ROR2: variants seen among roughly 807,000 people sequenced by gnomAD.
ROR2 encodes the protein ROR family WNT receptor 2.
ROR2 carries 33 observed loss-of-function variants against 74.9 expected under a neutral mutation model. The observed-to-expected ratio is 0.44, with a 90% CI of 0.33 to 0.59. The LOEUF (loss-of-function observed/expected upper bound fraction) is 0.59, where lower values mean the gene tolerates loss of function less well. Ranked by LOEUF, ROR2 falls within the 20% of genes least tolerant of loss-of-function variation. The probability of loss-of-function intolerance (pLI) is 0.02; values close to 1 mark genes in which losing one functional copy is unlikely to be tolerated. For synonymous variants in ROR2, 586 were observed against 558.7 expected, an observed-to-expected ratio of 1.05 and a Z score of -0.69; for missense variants, 1,216 against 1,313.8, an observed-to-expected ratio of 0.93 and a Z score of 1.15.
chr9:91,770,999 G>A (rs145189457), intron 2 of ROR2, among the ~76,000 whole-genome samples: 63 of 152,300 alleles, frequency 4.1e-4, no homozygotes, highest in African/African-American at 1.3e-3. Context: ...TGACTGCTTT[G>A]TTTTCTCTTT....
intron 1 of ROR2, among the ~76,000 whole-genome samples, chr9:91,940,392 G>A (rs1587862956): frequency 6.6e-6 from 1 of 152,130 alleles, no homozygotes; most frequent in Non-Finnish European, 1.5e-5. Context: ...CACTGCAGTC[G>A]TCTAATTTTA....
intron 1 of ROR2, among the ~76,000 whole-genome samples, chr9:91,912,853 G>C (rs1331875255): frequency 6.6e-6 from 1 of 152,212 alleles, no homozygotes; most frequent in African/African-American, 2.4e-5. Flanking sequence ...AGCAGGCCAG[G>C]CGTGTTGGCT....
At chr9:91,861,727 C>T (rs970390370) in intron 1 of ROR2, among the ~76,000 whole-genome samples, 4 of 152,106 alleles carry the variant, frequency 2.6e-5, no homozygotes, top group African/African-American at 9.7e-5. Flanking sequence ...GACAAAGCAA[C>T]AACAAAATAC....
intron 1 of ROR2, among the ~76,000 whole-genome samples, chr9:91,924,878 T>C (rs1009717780): frequency 3.3e-5 from 5 of 152,156 alleles, no homozygotes; most frequent in Non-Finnish European, 5.9e-5. Flanking sequence ...AGGGTCTAGC[T>C]CTGTCATACA....
intron 1 of ROR2, among the ~76,000 whole-genome samples, chr9:91,909,185 G>A (rs1000311428): frequency 1.3e-5 from 2 of 152,192 alleles, no homozygotes; most frequent in Non-Finnish European, 2.9e-5. Flanking sequence ...CATAGCATGG[G>A]TGCATTTCCT....
chr9:91,774,145 A>G (rs1020686903), intron 2 of ROR2, among the ~76,000 whole-genome samples: 1 of 152,224 alleles, frequency 6.6e-6, no homozygotes, highest in Non-Finnish European at 1.5e-5. Context: ...TCCTAAGGAA[A>G]TGTGGTCCCC....
intron 1 of ROR2, among the ~76,000 whole-genome samples, chr9:91,816,515 A>G (rs752472821): frequency 3.9e-5 from 6 of 151,984 alleles, no homozygotes; most frequent in Non-Finnish European, 8.8e-5. Flanking sequence ...CTTGCCCCGA[A>G]TGCCAGCTCT....
At chr9:91,822,444 T>C (rs539071446) in intron 1 of ROR2, among the ~76,000 whole-genome samples, 1 of 152,184 alleles carries the variant, frequency 6.6e-6, no homozygotes, top group Admixed American at 6.5e-5. Context: ...AGGGCTCCCA[T>C]AGACTGAATT....
chr9:91,949,755 G>A (rs2118124591), intron 1 of ROR2, 112 bp downstream of exon 1: 2 of 740,658 alleles, frequency 2.7e-6, no homozygotes, highest in East Asian at 2.8e-5. Context: ...GGCGCCCCTC[G>A]TTCAGGAGCA....
At chr9:91,815,645 G>A (rs762879369) in intron 1 of ROR2, among the ~76,000 whole-genome samples, 4 of 152,148 alleles carry the variant, frequency 2.6e-5, no homozygotes, top group African/African-American at 7.2e-5. Context: ...TATTCTTGAC[G>A]AACAGTGTGA....
At chr9:91,866,537 C>A in intron 1 of ROR2, among the ~76,000 whole-genome samples, 1 of 151,390 alleles carries the variant, frequency 6.6e-6, no homozygotes, top group Non-Finnish European at 1.5e-5. Flanking sequence ...CCTGCCTCAG[C>A]CTCCTGTGTA....
intron 1 of ROR2, among the ~76,000 whole-genome samples, chr9:91,935,557 C>G (rs189012525): frequency 3.2e-4 from 48 of 152,350 alleles, no homozygotes; most frequent in African/African-American, 9.4e-4. Context: ...TTCCAGCCGC[C>G]ATGAGGATGT....
At chr9:91,792,464 A>G (rs558377621) in intron 1 of ROR2, among the ~76,000 whole-genome samples, 50 of 152,192 alleles carry the variant, frequency 3.3e-4, no homozygotes, top group African/African-American at 1.1e-3. Context: ...GCCCGCCACC[A>G]CGCCCAGCTA....
chr9:91,773,506 C>A (rs1324187529), intron 2 of ROR2, among the ~76,000 whole-genome samples: 2 of 152,222 alleles, frequency 1.3e-5, no homozygotes, highest in African/African-American at 4.8e-5. Flanking sequence ...CATGAACTTT[C>A]CGTGATACTG....
At chr9:91,798,789 C>CT (rs1233879930) in intron 1 of ROR2, among the ~76,000 whole-genome samples, 2 of 152,090 alleles carry the variant, frequency 1.3e-5, no homozygotes, top group African/African-American at 4.8e-5. Flanking sequence ...CTTTTGTCTA[C>CT]TTTCGTTTTG....
intron 1 of ROR2, among the ~76,000 whole-genome samples, chr9:91,940,316 G>A (rs557043522): frequency 6.6e-6 from 1 of 152,232 alleles, no homozygotes; most frequent in Non-Finnish European, 1.5e-5. Context: ...TGTTAAGTAG[G>A]CCGGGGGAAA....
intron 1 of ROR2, among the ~76,000 whole-genome samples, chr9:91,807,076 C>A (rs1180858247): frequency 2.0e-5 from 3 of 152,216 alleles, no homozygotes; most frequent in Non-Finnish European, 4.4e-5. Flanking sequence ...AGGGGTCCTG[C>A]CCCCTACCCT....
At position 91,852,281 on chromosome 9, in the gene ROR2, A is replaced by C. The variant is rs531806785; in HGVS notation, c.98-76463T>G. On this transcript the variant is annotated intron_variant, in intron 1 of 8. Transcript: ENST00000375708. ...TAAATAGACAACTGAACCAACCACAACTAATGAGAGTTTTATCATTTTACA... is the reference window on the plus strand; with the variant it reads ...TAAATAGACAACTGAACCAACCACACCTAATGAGAGTTTTATCATTTTACA... 2.6e-5 allele frequency among the ~76,000 whole-genome samples: 4 copies of C among 152,340 alleles called. No individual in the cohort carries two copies. In the East Asian group the frequency reaches 7.7e-4, roughly 29 times the overall value.
At chr9:91,763,999 C>T (rs1447306365) in intron 2 of ROR2, among the ~76,000 whole-genome samples, 2 of 152,086 alleles carry the variant, frequency 1.3e-5, no homozygotes, top group Admixed American at 6.5e-5. Flanking sequence ...TTTGATCAAG[C>T]TTGTTGATTT....
Sources: allele counts gnomAD v4.1 joint callset (sites outside exome capture counted in the v4.1 genomes callset), GRCh38; gene constraint gnomAD v4.1.1; transcripts MANE v1.5; gene names NCBI Gene and HGNC (gene_info 2026-07-23, HGNC 2026-07-21).